SUGCT: variants seen among roughly 807,000 people sequenced by gnomAD.
SUGCT encodes the protein succinyl-CoA:glutarate-CoA transferase, also known as succinyl-CoA:glutarate CoA-transferase.
A neutral mutation model predicts 55.0 loss-of-function variants in SUGCT; 41 were observed. That is an observed-to-expected ratio of 0.74 (90% CI 0.58 to 0.97). The LOEUF is 0.97. SUGCT is among the 50% of genes least tolerant of loss of function. The pLI is 0.00. For synonymous variants in SUGCT, 187 were observed against 200.4 expected, an observed-to-expected ratio of 0.93 and a Z score of 0.56; for missense variants, 568 against 547.8, an observed-to-expected ratio of 1.04 and a Z score of -0.37.
At chr7:40,956,024 G>T in the SUGCT span, among the ~76,000 whole-genome samples, 1 of 152,164 alleles carries the variant, frequency 6.6e-6, no homozygotes, top group Non-Finnish European at 1.5e-5. Flanking sequence ...GCTGGATTCG[G>T]TTTGTCAATA....
chr7:40,896,984 C>G, the SUGCT span, among the ~76,000 whole-genome samples: 1 of 152,170 alleles, frequency 6.6e-6, no homozygotes, highest in Non-Finnish European at 1.5e-5. Flanking sequence ...GTAATCAAAA[C>G]AGTACAGCAC....
chr7:40,333,323 G>T (rs7455987), intron 9 of SUGCT, among the ~76,000 whole-genome samples: 18,413 of 151,882 alleles, frequency 0.12, 1,253 homozygotes, highest in South Asian at 0.19. Flanking sequence ...GGAAACACAT[G>T]GTCAGTATGT....
chr7:40,294,639 C>G (rs1349368293), intron 8 of SUGCT, among the ~76,000 whole-genome samples: 1 of 152,126 alleles, frequency 6.6e-6, no homozygotes, highest in Non-Finnish European at 1.5e-5. Context: ...CTCCGCTTCT[C>G]AGGTTCAAGT....
At chr7:40,704,692 G>A (rs1434545024) in intron 12 of SUGCT, among the ~76,000 whole-genome samples, 1 of 152,120 alleles carries the variant, frequency 6.6e-6, no homozygotes, top group African/African-American at 2.4e-5. Context: ...TTTTTGTATT[G>A]AATTATAATA....
rs533687452 is a variant in SUGCT, at chr7:40,182,561, C to CAA, written c.226+549_226+550dup. Among the ~76,000 whole-genome samples, 72 of 66,124 alleles carry CAA rather than the reference C, an allele frequency of 1.1e-3. 1 individual carries two copies. The South Asian group carries it at 0.026, about 24-fold the overall frequency. 43.4% of individuals were successfully genotyped at this position (66,124 alleles called of 152,430 possible). ...TAGGCAACAGAGCAAGACTCCGTTT[C>CAA]AAAAAAAAAAAAAAAAATGAAAAAA... On this transcript the variant is annotated intron_variant, in intron 3 of 13. Coordinates refer to ENST00000335693, the MANE Select transcript of SUGCT (RefSeq NM_001193313.2).
intron 11 of SUGCT, among the ~76,000 whole-genome samples, chr7:40,491,862 C>T (rs1159336060): frequency 6.6e-6 from 1 of 151,958 alleles, no homozygotes; most frequent in African/African-American, 2.4e-5. Context: ...TGGTGGTGGG[C>T]ACCTGTAATC....
intron 3 of SUGCT, among the ~76,000 whole-genome samples, chr7:40,184,336 A>G (rs1785378028): frequency 6.6e-6 from 1 of 151,676 alleles, no homozygotes; most frequent in Non-Finnish European, 1.5e-5. Context: ...CTGGAGTGCC[A>G]TTGTGTGATC....
intron 13 of SUGCT, among the ~76,000 whole-genome samples, chr7:40,832,155 T>G (rs924172212): frequency 6.6e-6 from 1 of 152,112 alleles, no homozygotes; most frequent in Non-Finnish European, 1.5e-5. Flanking sequence ...TGGAGAGCAC[T>G]CATGAGATAG....
chr7:40,785,844 T>C (rs193251915), intron 13 of SUGCT, among the ~76,000 whole-genome samples: 411 of 152,232 alleles, frequency 2.7e-3, no homozygotes, highest in Non-Finnish European at 4.5e-3. Context: ...TCCCAGCACT[T>C]TGGAAGGCCA....
chr7:40,618,814 T>G (rs1799129843), intron 12 of SUGCT, among the ~76,000 whole-genome samples: 1 of 152,232 alleles, frequency 6.6e-6, no homozygotes, highest in Non-Finnish European at 1.5e-5. Context: ...TTGTTAATGG[T>G]GATGTCTTCA....
At chr7:40,414,773 TGGC>T (rs748443782) in intron 9 of SUGCT, among the ~76,000 whole-genome samples, 11 of 152,032 alleles carry the variant, frequency 7.2e-5, no homozygotes, top group Non-Finnish European at 1.6e-4. Flanking sequence ...CTGGGCGCGG[TGGC>T]TCATGCCTGT....
At chr7:40,214,644 G>T (rs1161498410) in intron 6 of SUGCT, among the ~76,000 whole-genome samples, 2 of 152,122 alleles carry the variant, frequency 1.3e-5, no homozygotes, top group Non-Finnish European at 2.9e-5. Flanking sequence ...GGCTGGGCAT[G>T]GTGGCTCATG....
At chr7:40,471,651 A>G (rs1371984329) in intron 11 of SUGCT, among the ~76,000 whole-genome samples, 1 of 152,104 alleles carries the variant, frequency 6.6e-6, no homozygotes, top group Non-Finnish European at 1.5e-5. Flanking sequence ...CCATTTCAAG[A>G]GGATTATCTT....
intron 9 of SUGCT, among the ~76,000 whole-genome samples, chr7:40,369,624 A>G (rs1276870618): frequency 1.3e-5 from 2 of 152,208 alleles, no homozygotes; most frequent in African/African-American, 2.4e-5. Context: ...GGGTGCAGAC[A>G]TCAGTCCCAA....
intron 9 of SUGCT, among the ~76,000 whole-genome samples, chr7:40,391,576 A>T (rs1321174883): frequency 1.4e-5 from 2 of 140,586 alleles, no homozygotes; most frequent in Non-Finnish European, 3.1e-5. Flanking sequence ...AATCAAAACC[A>T]CAGTGAGATA....
intron 1 of SUGCT, among the ~76,000 whole-genome samples, chr7:40,158,300 T>G (rs950028776): frequency 6.6e-6 from 1 of 152,202 alleles, no homozygotes; most frequent in African/African-American, 2.4e-5. Context: ...AGACTAATAT[T>G]CCTCACCCAA....
intron 11 of SUGCT, among the ~76,000 whole-genome samples, chr7:40,471,892 T>A (rs1448684494): frequency 6.6e-6 from 1 of 152,088 alleles, no homozygotes; most frequent in East Asian, 1.9e-4. Context: ...ACAACCTCAA[T>A]GTATTAACTT....
chr7:40,187,752 T>C (rs1785613089), intron 3 of SUGCT, among the ~76,000 whole-genome samples: 1 of 152,150 alleles, frequency 6.6e-6, no homozygotes, highest in Non-Finnish European at 1.5e-5. Flanking sequence ...CGGCCAATAT[T>C]GTGAAACCCT....
downstream of SUGCT, among the ~76,000 whole-genome samples, chr7:40,863,535 G>T (rs1264707203): frequency 6.6e-6 from 1 of 152,192 alleles, no homozygotes; most frequent in Admixed American, 6.5e-5. Flanking sequence ...TGAAGGCCAG[G>T]TCCAGGCTAG....
Sources: allele counts gnomAD v4.1 joint callset (sites outside exome capture counted in the v4.1 genomes callset), GRCh38; gene constraint gnomAD v4.1.1; transcripts MANE v1.5; gene names NCBI Gene and HGNC (gene_info 2026-07-23, HGNC 2026-07-21).